The following CACNA2D3 variants were observed in gnomAD, a reference collection of about 807,000 sequenced individuals.
CACNA2D3 encodes the protein voltage-dependent calcium channel subunit alpha-2/delta-3.
Under a neutral mutation model 160.6 loss-of-function variants are expected in CACNA2D3, and 60 were observed. The ratio of observed to expected loss-of-function variants is 0.37; its 90% confidence interval spans 0.30 to 0.46. The LOEUF (loss-of-function observed/expected upper bound fraction) is 0.46, where lower values mean the gene tolerates loss of function less well. CACNA2D3 is among the 20% of genes least tolerant of loss of function. The pLI is 1.00. For missense variants in CACNA2D3, 1,205 were observed against 1,365.0 expected (o/e 0.88, Z 1.85); for synonymous variants, 558 against 492.9 (o/e 1.13, Z -1.75).
At chr3:54,237,959 G>A (rs1427374272) in intron 2 of CACNA2D3, among the ~76,000 whole-genome samples, 3 of 152,126 alleles carry the variant, frequency 2.0e-5, no homozygotes, top group East Asian at 1.9e-4. Context: ...TTGTGCTGAC[G>A]TGCTTTGAGT....
chr3:54,148,698 C>T (rs763639782), intron 2 of CACNA2D3, among the ~76,000 whole-genome samples: 3 of 152,048 alleles, frequency 2.0e-5, no homozygotes, highest in African/African-American at 7.2e-5. Flanking sequence ...CAGCTCGGGC[C>T]GGGTGCGGTG....
intron 4 of CACNA2D3, among the ~76,000 whole-genome samples, chr3:54,443,356 C>G (rs1700172676): frequency 6.6e-6 from 1 of 152,072 alleles, no homozygotes; most frequent in Non-Finnish European, 1.5e-5. Flanking sequence ...TGGGCGGGCA[C>G]AGTAATGAGG....
chr3:54,460,778 G>T (rs968011739), intron 4 of CACNA2D3, among the ~76,000 whole-genome samples: 2 of 152,068 alleles, frequency 1.3e-5, no homozygotes, highest in African/African-American at 4.8e-5. Context: ...TCCTTGTTCT[G>T]CCTAATTGCC....
chr3:54,871,182 G>GACACACAC (rs376258511), intron 17 of CACNA2D3, among the ~76,000 whole-genome samples: 4 of 127,712 alleles, frequency 3.1e-5, no homozygotes, highest in African/African-American at 1.0e-4. Context: ...TATAGGTGGA[G>GACACACAC]ACACACACAC....
intron 35 of CACNA2D3, among the ~76,000 whole-genome samples, chr3:55,070,917 G>C (rs929098911): frequency 6.6e-6 from 1 of 152,106 alleles, no homozygotes; most frequent in African/African-American, 2.4e-5. Flanking sequence ...GCAGTTCCCT[G>C]TGTTTGAAAA....
At chr3:54,250,210 G>T (rs1248556507) in intron 2 of CACNA2D3, among the ~76,000 whole-genome samples, 1 of 152,136 alleles carries the variant, frequency 6.6e-6, no homozygotes, top group African/African-American at 2.4e-5. Flanking sequence ...TGGTGAACAT[G>T]TGGTTGATAA....
intron 11 of CACNA2D3, among the ~76,000 whole-genome samples, chr3:54,714,089 T>A (rs1446563036): frequency 6.6e-6 from 1 of 152,096 alleles, no homozygotes; most frequent in Non-Finnish European, 1.5e-5. Flanking sequence ...ATGTTGCAGG[T>A]CCTGGACTCC....
At chr3:54,625,913 C>T (rs562125002) in intron 9 of CACNA2D3, among the ~76,000 whole-genome samples, 4 of 152,276 alleles carry the variant, frequency 2.6e-5, no homozygotes, top group South Asian at 4.2e-4. Context: ...CAATTAGACA[C>T]ATCATGAATG....
chr3:54,532,115 G>A (rs768960480), intron 5 of CACNA2D3, among the ~76,000 whole-genome samples: 2 of 152,182 alleles, frequency 1.3e-5, no homozygotes, highest in African/African-American at 2.4e-5. Flanking sequence ...AATGTAGGGG[G>A]TAAAAGTGTG....
In CACNA2D3 at chr3:54,417,807, T is replaced by TG. The variant is rs1553656557; in HGVS notation, c.381+31040dup. Among the ~76,000 whole-genome samples the TG allele has an allele frequency of 1.1e-4, 4 of 36,086 alleles. No homozygotes were observed. In the South Asian group the frequency reaches 3.3e-3, roughly 30 times the overall value. The allele number at this position is 36,086 out of a possible 152,430, so 23.7% of individuals were successfully genotyped here. ...GTATCTGTGTGTGTGGGGGGGGGGG[T>TG]GGGGGGGTTACTCCTGTCACCCAGG... On this transcript the variant is annotated intron_variant, in intron 4 of 37. Coordinates refer to ENST00000474759, the MANE Select transcript of CACNA2D3 (RefSeq NM_018398.3).
intron 16 of CACNA2D3, among the ~76,000 whole-genome samples, chr3:54,840,848 G>T (rs187792097): frequency 6.9e-6 from 1 of 144,676 alleles, no homozygotes; most frequent in Admixed American, 7.0e-5. Context: ...TCAGCCCCCC[G>T]AGTAGCTGGG....
intron 11 of CACNA2D3, among the ~76,000 whole-genome samples, chr3:54,690,382 G>A (rs923088002): frequency 2.0e-5 from 3 of 151,916 alleles, no homozygotes; most frequent in Non-Finnish European, 4.4e-5. Context: ...CCAATAGACC[G>A]TTTGCACACA....
chr3:54,586,276 A>G (rs1198476690), intron 9 of CACNA2D3, among the ~76,000 whole-genome samples: 1 of 151,820 alleles, frequency 6.6e-6, no homozygotes, highest in Non-Finnish European at 1.5e-5. Context: ...AAAAAAAAAA[A>G]AAAAGAAACT....
rs1202608915 is a variant in CACNA2D3 at position 54,626,551 on chromosome 3, C to CACT, written c.964-1233_964-1231dup. The CACT allele has an allele frequency of 3.1e-6, 5 of 1,600,172 alleles. No homozygotes were observed. The Admixed American group carries it at 6.7e-5, about 21-fold the overall frequency. On this transcript the variant is annotated intron_variant, in intron 9 of 37. Transcript: ENST00000474759. ...GGAGATCAAGCCCGAGATGATCGAC[C>CACT]ACTACCTGGGCGAGTTCTCCATCAC... is the stretch of plus-strand genomic sequence containing the variant.
intron 5 of CACNA2D3, among the ~76,000 whole-genome samples, chr3:54,528,395 A>G (rs908354124): frequency 6.6e-6 from 1 of 151,082 alleles, no homozygotes; most frequent in African/African-American, 2.4e-5. Context: ...ATATAATGCT[A>G]ATAAAATGAT....
intron 5 of CACNA2D3, among the ~76,000 whole-genome samples, chr3:54,518,591 T>A (rs2106981685): frequency 6.6e-6 from 1 of 152,366 alleles, no homozygotes; most frequent in African/African-American, 2.4e-5. Context: ...CCTGGTATTC[T>A]TGATAACCTG....
Position 54,864,540 on chromosome 3 carries a change from G to A in CACNA2D3, c.1627-6999G>A, listed in dbSNP as rs908199696. Among the ~76,000 whole-genome samples the A allele has an allele frequency of 6.6e-5, 10 of 152,252 alleles. No homozygotes were observed. The East Asian group carries it at 1.7e-3, about 27-fold the overall frequency. On this transcript the variant is annotated intron_variant, in intron 17 of 37. Coordinates refer to ENST00000474759, the MANE Select transcript of CACNA2D3 (RefSeq NM_018398.3). Reference sequence around the variant, plus strand: ...CTCCGAAAGTGCTGGGATTACAGGCGCGAGCCACTGTGCCTGGCTTTGGCC... The same window carrying A: ...CTCCGAAAGTGCTGGGATTACAGGCACGAGCCACTGTGCCTGGCTTTGGCC...
intron 11 of CACNA2D3, among the ~76,000 whole-genome samples, chr3:54,693,766 C>T (rs775208888): frequency 6.6e-6 from 1 of 151,020 alleles, no homozygotes; most frequent in Non-Finnish European, 1.5e-5. Flanking sequence ...TTTGTGTCTT[C>T]GTTTTTAACA....
At chr3:54,919,055 A>T (rs1178969521) in intron 27 of CACNA2D3, among the ~76,000 whole-genome samples, 1 of 151,682 alleles carries the variant, frequency 6.6e-6, no homozygotes, top group Non-Finnish European at 1.5e-5. Flanking sequence ...TGATTTTAGG[A>T]TTCCTAAATT....
Sources: gnomAD v4.1 joint callset for allele counts (sites outside exome capture counted in the v4.1 genomes callset) on GRCh38, gnomAD v4.1.1 for gene constraint, MANE v1.5 for transcripts, NCBI Gene and HGNC (gene_info 2026-07-23, HGNC 2026-07-21) for gene names.